The following RPL7L1 variants were observed in gnomAD, a reference collection of about 807,000 sequenced individuals.
RPL7L1 encodes ribosomal protein uL30-like.
Under a neutral mutation model 30.3 loss-of-function variants are expected in RPL7L1, and 20 were observed. That is an observed-to-expected ratio of 0.66 (90% confidence interval 0.46 to 0.96). The LOEUF (loss-of-function observed/expected upper bound fraction) is 0.96, where lower values mean the gene tolerates loss of function less well. RPL7L1 is among the 40% of genes least tolerant of loss of function. The probability of loss-of-function intolerance (pLI) is 0.00; values close to 1 mark genes in which losing one functional copy is unlikely to be tolerated. For synonymous variants in RPL7L1, 107 were observed against 110.1 expected, an observed-to-expected ratio of 0.97 and a Z score of 0.18; for missense variants, 271 against 314.9, an observed-to-expected ratio of 0.86 and a Z score of 1.05.
chr6:42,882,803 G>A (rs1451709785), intron 2 of RPL7L1: 1 of 152,290 alleles, frequency 6.6e-6, no homozygotes, highest in East Asian at 1.9e-4. Flanking sequence ...CTACTTGGGA[G>A]GCTGAGGCAG....
intron 1 of RPL7L1, 71 bp from the exon 2 acceptor site, chr6:42,880,790 G>C: frequency 1.2e-6 from 1 of 848,960 alleles, no homozygotes; most frequent in East Asian, 2.6e-5. Flanking sequence ...TGGGATTACA[G>C]GCTTGAGCCA....
In RPL7L1 at chr6:42,883,489, A is replaced by G. The variant is rs889871115; in HGVS notation, c.186A>G (p.Glu62=). 1.2e-6 allele frequency: 2 copies of G among 1,604,404 alleles called. No homozygotes were observed. ...AAGGGCTCAGGTTTAAGCGACTGGA[A>G]TCATTCCTACATGATTCCTGGCGGC... ...KGKGLRFKRL[E]SFLHDSWRQK... is the part of the protein sequence containing the mutation. Residue 62 remains glutamate (E), a synonymous_variant, in exon 3 of 6, where the codon GAA becomes GAG. Transcript: ENST00000493763.
chr6:42,879,977 T>C (rs1395756239), intron 1 of RPL7L1, 26 bp downstream of exon 1: 1 of 1,611,900 alleles, frequency 6.2e-7, no homozygotes, highest in South Asian at 1.1e-5. Flanking sequence ...TTTGAATATC[T>C]GGAGTGGGGT....
rs1766382613 is a variant in RPL7L1 at position 42,889,073 on chromosome 6, T to G, written c.*2609T>G. 6.6e-6 allele frequency: 1 copy of G among 152,162 alleles called. No individual in the cohort carries two copies. The highest frequency in any genetic ancestry group is 2.1e-4 in the South Asian group (1 of 4,830). 9.4% of individuals were successfully genotyped at this position (152,162 alleles called of 1,614,324 possible). A position where few individuals can be genotyped will look rare whatever the true frequency, so the allele number is the denominator to read the frequency against. On this transcript the variant is annotated 3_prime_UTR_variant, in exon 6 of 6. Transcript: ENST00000493763. ...TATTCCCTGGTCCTTTAAGATCAGT[T>G]TGGCTGCAATTTTGGCTCCTTGGAC...
In RPL7L1 at chr6:42,888,790, A is replaced by G. The variant is rs1766374020; in HGVS notation, c.*2326A>G. On this transcript the variant is annotated 3_prime_UTR_variant, in exon 6 of 6. Transcript: ENST00000493763. ...TAGGCCCCAGGCAGGCAGGCACCTT[A>G]ATTTTTTCCTTGCATATTCTAGTCT... The G allele has an allele frequency of 6.6e-6, 1 of 152,120 alleles. No individual in the cohort carries two copies. Among genetic ancestry groups the G allele is most frequent in the African/African-American group, 2.4e-5 (1 of 41,410 alleles). The allele number at this position is 152,120 out of a possible 1,614,324, so 9.4% of individuals were successfully genotyped here.
intron 4 of RPL7L1, chr6:42,885,689 C>T (rs561889631): frequency 2.9e-6 from 1 of 341,550 alleles, no homozygotes; most frequent in African/African-American, 2.1e-5. Context: ...GTCGTAGCCC[C>T]TAAGGTAAGC....
intron 3 of RPL7L1, among the ~76,000 whole-genome samples, chr6:42,884,171 A>G (rs925795668): frequency 7.2e-5 from 11 of 152,154 alleles, no homozygotes; most frequent in Non-Finnish European, 8.8e-5. Context: ...ACCACTGCTC[A>G]TATTTTTCCT....
chr6:42,880,842 T>G lies in RPL7L1; in HGVS notation c.42-19T>G, dbSNP rs761190279. ...GTTCTTTTCTAAATGTTATCTCTGATCTCAATTTTCTGCATCAGGCAAAGA... is the reference window on the plus strand; with the variant it reads ...GTTCTTTTCTAAATGTTATCTCTGAGCTCAATTTTCTGCATCAGGCAAAGA... On this transcript the variant is annotated intron_variant, in intron 1 of 5. Transcript: ENST00000493763. 4.3e-6 allele frequency: 6 copies of G among 1,390,836 alleles called. No homozygotes were observed. Among genetic ancestry groups the G allele is most frequent in the Non-Finnish European group, 6.1e-6 (6 of 979,380 alleles). 86.2% of individuals were successfully genotyped at this position (1,390,836 alleles called of 1,614,324 possible).
chr6:42,885,409 C>T (rs752132362), intron 4 of RPL7L1, among the ~76,000 whole-genome samples: 9 of 150,834 alleles, frequency 6.0e-5, no homozygotes, highest in Non-Finnish European at 1.2e-4. Flanking sequence ...GGTGAAACCC[C>T]GTCTCTACTA....
chr6:42,886,434 C>T lies in RPL7L1; in HGVS notation c.738C>T (p.Arg246=), dbSNP rs764267967. ...GCACACCTGGCTATCGGGGTGAACG[C>T]ATCAATCAGCTCATCCGTCAGCTGA... ...EMGTPGYRGE[R]INQLIRQLN is the part of the protein sequence containing the mutation. Residue 246 remains arginine (R), a synonymous_variant, in exon 6 of 6, where the codon CGC becomes CGT. Transcript: ENST00000493763. 35 of 1,574,368 alleles carry T rather than the reference C, an allele frequency of 2.2e-5. No individual in the cohort carries two copies. The highest frequency in any genetic ancestry group is 4.4e-5 in the South Asian group (4 of 90,460).
rs1765994932 is a variant in RPL7L1 at position 42,879,667 on chromosome 6, A to G, written c.-244A>G. 2.2e-6 allele frequency: 1 copy of G among 460,236 alleles called. No individual in the cohort carries two copies. The highest frequency in any genetic ancestry group is 4.0e-6 in the Non-Finnish European group (1 of 248,750). 28.5% of individuals were successfully genotyped at this position (460,236 alleles called of 1,614,324 possible). On this transcript the variant is annotated 5_prime_UTR_variant, in exon 1 of 6. Coordinates refer to ENST00000493763, the MANE Select transcript of RPL7L1 (RefSeq NM_001366481.3). ...CATTGTGGGAAGCACTTTGCTGTCC[A>G]CAGCCAGGCCGCTTGTGATGAAACT...
intron 2 of RPL7L1, 194 bp downstream of exon 2, chr6:42,881,160 C>G: frequency 2.1e-6 from 1 of 482,382 alleles, no homozygotes; most frequent in Non-Finnish European, 3.7e-6. Context: ...CTGCTGAAGT[C>G]CCTTATATAA....
Position 42,889,793 on chromosome 6 carries a change from A to G in RPL7L1, c.*3329A>G, listed in dbSNP as rs2114094020. ...TTCTGTCAGAGCAAACTGCTGGTAA[A>G]TAAAAGGGACTAAGTTGACGAAAAA... is the stretch of plus-strand genomic sequence containing the variant. On this transcript the variant is annotated 3_prime_UTR_variant, in exon 6 of 6. Coordinates refer to ENST00000493763, the MANE Select transcript of RPL7L1 (RefSeq NM_001366481.3). 1 of 152,382 alleles carries G rather than the reference A, an allele frequency of 6.6e-6. No homozygotes were observed. The highest frequency in any genetic ancestry group is 1.9e-4 in the East Asian group (1 of 5,192). The allele number at this position is 152,382 out of a possible 1,614,324, so 9.4% of individuals were successfully genotyped here. A position where few individuals can be genotyped will look rare whatever the true frequency, so the allele number is the denominator to read the frequency against.
chr6:42,881,029 G>T, intron 2 of RPL7L1, 63 bp downstream of exon 2: 1 of 875,890 alleles, frequency 1.1e-6, no homozygotes, highest in Non-Finnish European at 1.9e-6. Context: ...TATCCCGCAT[G>T]TGTTGGACTA....
chr6:42,886,521 C>A lies in RPL7L1; in HGVS notation c.*57C>A. On this transcript the variant is annotated 3_prime_UTR_variant, in exon 6 of 6. Transcript: ENST00000493763. ...TGGGCTGACTTTTGATAGGCCATGCCTTGCCACTTTACAAGTTCTTTTTGC... is the reference window on the plus strand; with the variant it reads ...TGGGCTGACTTTTGATAGGCCATGCATTGCCACTTTACAAGTTCTTTTTGC... 1 of 794,184 alleles carries A rather than the reference C, an allele frequency of 1.3e-6. No homozygotes were observed. The highest frequency in any genetic ancestry group is 2.1e-6 in the Non-Finnish European group (1 of 472,612). 49.2% of individuals were successfully genotyped at this position (794,184 alleles called of 1,614,324 possible).
At position 42,887,589 on chromosome 6, in the gene RPL7L1, A is replaced by G. The variant is rs578062137; in HGVS notation, c.*1125A>G. 1.3e-5 allele frequency: 2 copies of G among 152,356 alleles called. No homozygotes were observed. Among genetic ancestry groups the G allele is most frequent in the African/African-American group, 2.4e-5 (1 of 41,570 alleles). 9.4% of individuals were successfully genotyped at this position (152,356 alleles called of 1,614,324 possible). A position where few individuals can be genotyped will look rare whatever the true frequency, so the allele number is the denominator to read the frequency against. On this transcript the variant is annotated 3_prime_UTR_variant, in exon 6 of 6. Transcript: ENST00000493763. Reference sequence around the variant, plus strand: ...CAAGCGAAACTCTGTCTCAAAAAAAAAGAAAAGACAGTAGCATATGTTCAT... The same window carrying G: ...CAAGCGAAACTCTGTCTCAAAAAAAGAGAAAAGACAGTAGCATATGTTCAT...
Position 42,883,505 on chromosome 6 carries a change from T to G in RPL7L1, c.202T>G (p.Ser68Ala), listed in dbSNP as rs754937108. ...FKRLESFLHD[S>A]WRQKRDKVRL... ...GCGACTGGAATCATTCCTACATGAT[T>G]CCTGGCGGCAGAAACGTGACAAGGT... Residue 68 changes from serine (S) to alanine (A), a missense_variant, in exon 3 of 6, where the codon TCC (serine) becomes GCC (alanine). Ser to Ala is a moderately conservative substitution (Grantham distance 99). Coordinates refer to ENST00000493763, the MANE Select transcript of RPL7L1 (RefSeq NM_001366481.3). The G allele has an allele frequency of 6.8e-6, 11 of 1,609,936 alleles. No homozygotes were observed. The highest frequency in any genetic ancestry group is 1.3e-5 in the African/African-American group (1 of 74,860).
chr6:42,880,019 T>C (rs1766013951), intron 1 of RPL7L1, 68 bp downstream of exon 1: 5 of 1,483,992 alleles, frequency 3.4e-6, no homozygotes, highest in Non-Finnish European at 4.7e-6. Context: ...ACGGTGTTTA[T>C]GCCTTGGTGG....
rs968940955 is a variant in RPL7L1, at chr6:42,886,652, G to A, written c.*188G>A. ...CAGTGAATGCCTGATTAGGACATGG[G>A]GCTATGCATAGCCTAAGAGTTATAG... On this transcript the variant is annotated 3_prime_UTR_variant, in exon 6 of 6. Coordinates refer to ENST00000493763, the MANE Select transcript of RPL7L1 (RefSeq NM_001366481.3). 5 of 590,090 alleles carry A rather than the reference G, an allele frequency of 8.5e-6. No homozygotes were observed. The Admixed American group carries it at 1.5e-4, about 17-fold the overall frequency. The allele number at this position is 590,090 out of a possible 1,614,324, so 36.6% of individuals were successfully genotyped here. A position where few individuals can be genotyped will look rare whatever the true frequency, so the allele number is the denominator to read the frequency against.
Sources: allele counts gnomAD v4.1 joint callset (sites outside exome capture counted in the v4.1 genomes callset), GRCh38; gene constraint gnomAD v4.1.1; transcripts MANE v1.5; gene names NCBI Gene and HGNC (gene_info 2026-07-23, HGNC 2026-07-21).